EPAS1: variants seen among roughly 807,000 people sequenced by gnomAD.
EPAS1 encodes endothelial PAS domain protein 1, also known as endothelial PAS domain-containing protein 1.
A neutral mutation model predicts 87.9 loss-of-function variants in EPAS1; 23 were observed. The observed-to-expected ratio is 0.26, with a 90% CI of 0.19 to 0.37. EPAS1 has a LOEUF of 0.37. EPAS1 is among the 10% of genes least tolerant of loss of function. The pLI, the probability that EPAS1 is intolerant of heterozygous loss-of-function variation, is 1.00. For missense variants in EPAS1, 1,138 were observed against 1,120.7 expected, an observed-to-expected ratio of 1.02 and a Z score of -0.22; for synonymous variants, 508 against 444.3, an observed-to-expected ratio of 1.14 and a Z score of -1.80.
chr2:46,355,509 G>A (rs757878406), intron 2 of EPAS1, among the ~76,000 whole-genome samples: 14 of 152,186 alleles, frequency 9.2e-5, no homozygotes, highest in Non-Finnish European at 1.9e-4. Flanking sequence ...ATGAGATTAA[G>A]AATAGTAGCT....
At chr2:46,383,968 C>G (rs920166078) in intron 15 of EPAS1, among the ~76,000 whole-genome samples, 1 of 152,210 alleles carries the variant, frequency 6.6e-6, no homozygotes, top group African/African-American at 2.4e-5. Context: ...TAAGCCTTTC[C>G]TCCTTGGGAT....
intron 6 of EPAS1, among the ~76,000 whole-genome samples, chr2:46,369,026 A>G (rs955409971): frequency 2.0e-5 from 3 of 152,172 alleles, no homozygotes; most frequent in Non-Finnish European, 2.9e-5. Flanking sequence ...CTTCCCATCA[A>G]AACCAGATAC....
At chr2:46,323,079 T>G (rs1481826133) in intron 1 of EPAS1, among the ~76,000 whole-genome samples, 1 of 152,138 alleles carries the variant, frequency 6.6e-6, no homozygotes, top group Non-Finnish European at 1.5e-5. Flanking sequence ...GATTGCAGGC[T>G]GTGTGAAGCA....
intron 1 of EPAS1, among the ~76,000 whole-genome samples, chr2:46,329,814 C>T (rs1323617482): frequency 6.6e-6 from 1 of 152,142 alleles, no homozygotes; most frequent in East Asian, 1.9e-4. Context: ...AAGACTCCAT[C>T]TCAAAACAAG....
intron 2 of EPAS1, among the ~76,000 whole-genome samples, chr2:46,352,432 A>G (rs538380524): frequency 1.2e-4 from 19 of 152,376 alleles, no homozygotes; most frequent in Admixed American, 7.2e-4. Flanking sequence ...CATAAAGCAG[A>G]CATGAACACA....
chr2:46,336,494 G>A (rs1017926598), intron 1 of EPAS1, among the ~76,000 whole-genome samples: 2 of 152,126 alleles, frequency 1.3e-5, no homozygotes, highest in African/African-American at 4.8e-5. Flanking sequence ...GAAATAGGAA[G>A]GAATAAAATG....
Position 46,360,784 on chromosome 2 carries a change from G to A in EPAS1, c.573+28G>A. 6.2e-7 allele frequency: 1 copy of A among 1,612,454 alleles called. No homozygotes were observed. Among genetic ancestry groups the A allele is most frequent in the East Asian group, 2.2e-5 (1 of 44,876 alleles). On this transcript the variant is annotated intron_variant, in intron 5 of 15. Transcript: ENST00000263734. The surrounding 1 kb of genome is among the most constrained non-coding windows in gnomAD (Gnocchi z 4.5). Reference sequence around the variant, plus strand: ...AGGGCAACATCAGGCCTGGGTTGGAGTCCCAGGTGTAGGGTAACGGCGGTG... The same window carrying A: ...AGGGCAACATCAGGCCTGGGTTGGAATCCCAGGTGTAGGGTAACGGCGGTG...
chr2:46,375,615 C>A lies in EPAS1; in HGVS notation c.887-75C>A, dbSNP rs1684727860. On this transcript the variant is annotated intron_variant, in intron 7 of 15. Transcript: ENST00000263734. This position sits in a 1 kb window ranked among gnomAD's most constrained non-coding sequence, Gnocchi z 4.1. Reference sequence around the variant, plus strand: ...TCCCCTGCAGATTAGACTGCCCTCCCATGCGATCTGCTGAGCCTGTGGTGC... The same window carrying A: ...TCCCCTGCAGATTAGACTGCCCTCCAATGCGATCTGCTGAGCCTGTGGTGC... 2 of 1,547,644 alleles carry A rather than the reference C, an allele frequency of 1.3e-6. No individual in the cohort carries two copies. The highest frequency in any genetic ancestry group is 3.8e-5 in the Admixed American group (2 of 52,750).
At chr2:46,364,547 C>G (rs551978923) in intron 6 of EPAS1, among the ~76,000 whole-genome samples, 3 of 152,288 alleles carry the variant, frequency 2.0e-5, no homozygotes, top group African/African-American at 7.2e-5. Flanking sequence ...ACAGATGGTT[C>G]AAAATGCATT....
intron 1 of EPAS1, 62 bp downstream of exon 1, chr2:46,297,999 C>G: frequency 6.3e-7 from 1 of 1,590,614 alleles, no homozygotes; most frequent in Non-Finnish European, 8.6e-7. Context: ...CTGCGCGGGG[C>G]AGGCGCGACC....
intron 6 of EPAS1, among the ~76,000 whole-genome samples, chr2:46,361,458 G>T (rs1684385549): frequency 6.6e-6 from 1 of 152,200 alleles, no homozygotes; most frequent in Non-Finnish European, 1.5e-5. Context: ...TCCTGCTTCA[G>T]AGGCCAGTAA....
At chr2:46,339,885 C>T (rs2104865735) in intron 1 of EPAS1, among the ~76,000 whole-genome samples, 1 of 152,330 alleles carries the variant, frequency 6.6e-6, no homozygotes, top group East Asian at 1.9e-4. Flanking sequence ...TTTGCGAGTG[C>T]ACTAATCCCA....
intron 2 of EPAS1, among the ~76,000 whole-genome samples, chr2:46,348,364 G>T (rs1161328104): frequency 1.3e-5 from 2 of 152,168 alleles, no homozygotes; most frequent in Non-Finnish European, 2.9e-5. Context: ...TGGATTGCTG[G>T]ATATAAGAAA....
intron 7 of EPAS1, among the ~76,000 whole-genome samples, chr2:46,374,729 A>C (rs1684701597): frequency 6.6e-6 from 1 of 152,210 alleles, no homozygotes; most frequent in Non-Finnish European, 1.5e-5. Context: ...AAAAATACCA[A>C]AAATTCTAAC....
Position 46,382,530 on chromosome 2 carries a change from G to T in EPAS1, c.2393G>T (p.Arg798Met), listed in dbSNP as rs751004596. ...AISPGENSKS[R>M]FPPQCYATQY... ...AGTCCCGGGGAGAACAGCAAGAGCAGGTTCCCCCCACAGTGCTACGCCACC... is the reference window on the plus strand; with the variant it reads ...AGTCCCGGGGAGAACAGCAAGAGCATGTTCCCCCCACAGTGCTACGCCACC... The change falls in exon 15 of 16, where the codon AGG becomes ATG. Residue 798 changes from arginine to methionine, a missense_variant. By Grantham distance (91) the Arg-to-Met change is moderately conservative. Around this residue, in one of 4 missense-constraint regions of EPAS1, gnomAD observed 502 missense variants for 427.1 expected, o/e 1.18. Coordinates refer to ENST00000263734, the MANE Select transcript of EPAS1 (RefSeq NM_001430.5). 1 of 1,614,172 alleles carries T rather than the reference G, an allele frequency of 6.2e-7. No homozygotes were observed.
At chr2:46,345,028 A>G (rs948185653) in intron 1 of EPAS1, among the ~76,000 whole-genome samples, 3 of 152,276 alleles carry the variant, frequency 2.0e-5, no homozygotes, top group African/African-American at 7.2e-5. Context: ...CTGCAAAGCC[A>G]AACAAAAGGA....
chr2:46,299,191 G>T (rs1286662957), intron 1 of EPAS1, among the ~76,000 whole-genome samples: 2 of 152,248 alleles, frequency 1.3e-5, no homozygotes, highest in Admixed American at 6.5e-5. Flanking sequence ...TGTATCCTCC[G>T]GTCGAAAGCA....
At chr2:46,351,159 T>C (rs1470965074) in intron 2 of EPAS1, among the ~76,000 whole-genome samples, 1 of 152,206 alleles carries the variant, frequency 6.6e-6, no homozygotes, top group Non-Finnish European at 1.5e-5. Flanking sequence ...AATAAGCTGA[T>C]TCATGTGAGG....
At chr2:46,339,264 A>G (rs1683858609) in intron 1 of EPAS1, among the ~76,000 whole-genome samples, 1 of 152,228 alleles carries the variant, frequency 6.6e-6, no homozygotes, top group Admixed American at 6.5e-5. Flanking sequence ...GAAGTTGCTT[A>G]TACTAAATAT....
Sources: gnomAD v4.1 joint callset for allele counts (sites outside exome capture counted in the v4.1 genomes callset) on GRCh38, gnomAD v4.1.1 for gene constraint, gnomAD v4.1.1 regional missense constraint, Gnocchi (gnomAD v3.1) non-coding constraint, MANE v1.5 for transcripts, NCBI Gene and HGNC (gene_info 2026-07-23, HGNC 2026-07-21) for gene names.